The following DBR1 variants were observed in gnomAD, a reference collection of about 807,000 sequenced individuals.
DBR1 encodes the protein debranching RNA lariats 1, also known as lariat debranching enzyme.
Under a neutral mutation model 45.9 loss-of-function variants are expected in DBR1, and 33 were observed. The ratio of observed to expected loss-of-function variants is 0.72; its 90% CI spans 0.55 to 0.96. The LOEUF is 0.96. Among genes scored for constraint, DBR1 ranks in the 40% least tolerant of loss-of-function variants. DBR1 has a pLI of 0.00. For missense variants in DBR1, 619 were observed against 667.4 expected (o/e 0.93, Z 0.80); for synonymous variants, 235 against 235.9 (o/e 1.00, Z 0.04).
intron 3 of DBR1, 77 bp from the exon 4 acceptor site, chr3:138,170,269 C>T: frequency 1.1e-6 from 1 of 883,554 alleles, no homozygotes. Context: ...ACACAGGTCT[C>T]CAAAATATCA....
intron 4 of DBR1, among the ~76,000 whole-genome samples, chr3:138,168,387 G>T (rs1309196541): frequency 6.6e-6 from 1 of 151,748 alleles, no homozygotes; most frequent in Non-Finnish European, 1.5e-5. Context: ...GGGCGTGGTG[G>T]TGGGCGCCTG....
At chr3:138,164,995 T>C (rs1449186957) in intron 5 of DBR1, among the ~76,000 whole-genome samples, 2 of 152,186 alleles carry the variant, frequency 1.3e-5, no homozygotes, top group East Asian at 3.8e-4. Context: ...GGTTTTTTTT[T>C]TTCAAAAGTG....
chr3:138,163,768 C>T lies in DBR1; in HGVS notation c.795+10G>A, dbSNP rs763276806. On this transcript the variant is annotated intron_variant, in intron 6 of 7. Transcript: ENST00000260803. ...ACAACTATATTATAAAGCCACTTCA[C>T]TCTTCTTACCTGAAGAAAATCTCTA... 1.3e-6 allele frequency: 2 copies of T among 1,597,854 alleles called. No individual in the cohort carries two copies. Among genetic ancestry groups the T allele is most frequent in the Non-Finnish European group, 1.7e-6 (2 of 1,168,952 alleles).
At chr3:138,174,045 A>G (rs1000442683) in intron 1 of DBR1, among the ~76,000 whole-genome samples, 1 of 140,432 alleles carries the variant, frequency 7.1e-6, no homozygotes, top group Non-Finnish European at 1.6e-5. Flanking sequence ...AAAAAAAAAA[A>G]GGAATTGCCC....
intron 4 of DBR1, among the ~76,000 whole-genome samples, chr3:138,169,170 T>C (rs1001668605): frequency 1.4e-4 from 22 of 152,228 alleles, no homozygotes; most frequent in Admixed American, 1.3e-3. Flanking sequence ...AGGCAGGCTC[T>C]ACCACTAAAC....
rs2042917225 is a variant in DBR1, at chr3:138,163,496, T to C, written c.796-2A>G. On this transcript the variant is annotated splice_acceptor_variant, in intron 6 of 7. Transcript: ENST00000260803. LOFTEE classifies it high-confidence loss of function. ...GGGGTCATGTTCTATCTCTAATATC[T>C]ACAGGATGAAATCAATGTTAAGAAA... 5 of 1,564,786 alleles carry C rather than the reference T, an allele frequency of 3.2e-6. No homozygotes were observed. The highest frequency in any genetic ancestry group is 1.2e-5 in the South Asian group (1 of 84,008).
In DBR1 at chr3:138,174,685, G is replaced by C; in HGVS notation, c.111C>G (p.Cys37Trp). ...GPGPVDLLLC[C>W]GDFQAVRNEA... Reference sequence around the variant, plus strand: ...CGTTGCGCACCGCCTGGAAGTCGCCGCAGCACAGCAAGAGGTCGACAGGCC... The same window carrying C: ...CGTTGCGCACCGCCTGGAAGTCGCCCCAGCACAGCAAGAGGTCGACAGGCC... The change falls in exon 1 of 8, where the codon TGC (cysteine) becomes TGG (tryptophan). Residue 37 changes from cysteine to tryptophan, a missense_variant. Cys to Trp is a radical substitution (Grantham distance 215). Coordinates refer to ENST00000260803, the MANE Select transcript of DBR1 (RefSeq NM_016216.4). 1 of 1,612,672 alleles carries C rather than the reference G, an allele frequency of 6.2e-7. No homozygotes were observed.
intron 5 of DBR1, 151 bp downstream of exon 5, chr3:138,166,930 T>G: frequency 1.3e-6 from 1 of 751,256 alleles, no homozygotes; most frequent in Non-Finnish European, 2.2e-6. Context: ...TATACTGTTT[T>G]GTAATTGCTT....
rs2042906706 is a variant in DBR1 at position 138,161,478 on chromosome 3, TAAGTC to T, written c.*406_*410del. On this transcript the variant is annotated 3_prime_UTR_variant, in exon 8 of 8. Coordinates refer to ENST00000260803, the MANE Select transcript of DBR1 (RefSeq NM_016216.4). Reference sequence around the variant, plus strand: ...TAATGTATCTTCATTATTATAAAGTTAAGTCTTTAGTCAAAAATTCAGCTCTAAAA... The same window carrying T: ...TAATGTATCTTCATTATTATAAAGTTTTTAGTCAAAAATTCAGCTCTAAAA... 1 of 159,996 alleles carries T rather than the reference TAAGTC, an allele frequency of 6.3e-6. No homozygotes were observed. The highest frequency in any genetic ancestry group is 1.4e-5 in the Non-Finnish European group (1 of 72,018). The allele number at this position is 159,996 out of a possible 1,614,324, so 9.9% of individuals were successfully genotyped here.
At position 138,161,961 on chromosome 3, in the gene DBR1, T is replaced by C; in HGVS notation, c.1563A>G (p.Gln521=). The C allele has an allele frequency of 1.2e-6, 2 of 1,614,212 alleles. No individual in the cohort carries two copies. The highest frequency in any genetic ancestry group is 2.7e-5 in the African/African-American group (2 of 75,062). The change falls in exon 8 of 8, where the codon CAA becomes CAG. Residue 521 remains glutamine (Q), a synonymous_variant. Transcript: ENST00000260803. ...KRLSDEHEPE[Q]RKKIKRRNQA... ...GATTCCTCCTCTTAATTTTCTTTCTTTGTTCAGGTTCATGTTCATCACTCA... is the reference window on the plus strand; with the variant it reads ...GATTCCTCCTCTTAATTTTCTTTCTCTGTTCAGGTTCATGTTCATCACTCA...
In DBR1 at chr3:138,161,781, G is replaced by C; in HGVS notation, c.*108C>G. ...GAATTGCTTGAACCTGGGAGGCGGAGGTTGCGGTGAGCCGAGATCACGCCA... is the reference window on the plus strand; with the variant it reads ...GAATTGCTTGAACCTGGGAGGCGGACGTTGCGGTGAGCCGAGATCACGCCA... On this transcript the variant is annotated 3_prime_UTR_variant, in exon 8 of 8. Coordinates refer to ENST00000260803, the MANE Select transcript of DBR1 (RefSeq NM_016216.4). 1.2e-6 allele frequency: 1 copy of C among 866,962 alleles called. No homozygotes were observed. Among genetic ancestry groups the C allele is most frequent in the South Asian group, 1.6e-5 (1 of 62,456 alleles). The allele number at this position is 866,962 out of a possible 1,614,324, so 53.7% of individuals were successfully genotyped here.
At chr3:138,165,609 G>T (rs906587722) in intron 5 of DBR1, among the ~76,000 whole-genome samples, 2 of 152,054 alleles carry the variant, frequency 1.3e-5, no homozygotes, top group Non-Finnish European at 2.9e-5. Flanking sequence ...GGCGCCTGTA[G>T]TCCCAGCTAC....
intron 1 of DBR1, 121 bp from the exon 2 acceptor site, chr3:138,173,747 T>C: frequency 1.7e-6 from 2 of 1,181,024 alleles, no homozygotes; most frequent in South Asian, 3.1e-5. Context: ...TCAAAAGGAA[T>C]TGCCTGGGGC....
In DBR1 at chr3:138,161,832, G is replaced by C; in HGVS notation, c.*57C>G. 2 of 1,383,014 alleles carry C rather than the reference G, an allele frequency of 1.4e-6. No homozygotes were observed. The highest frequency in any genetic ancestry group is 1.0e-6 in the Non-Finnish European group (1 of 980,920). 85.7% of individuals were successfully genotyped at this position (1,383,014 alleles called of 1,614,324 possible). A position where few individuals can be genotyped will look rare whatever the true frequency, so the allele number is the denominator to read the frequency against. ...TTGCACTCCAGTCTAGGTGACAAGA[G>C]TGAAACTCCATCTCAAAAAAACAAA... is the stretch of plus-strand genomic sequence containing the variant. On this transcript the variant is annotated 3_prime_UTR_variant, in exon 8 of 8. Transcript: ENST00000260803.
At position 138,174,831 on chromosome 3, in the gene DBR1, G is replaced by A; in HGVS notation, c.-36C>T. 6.3e-7 allele frequency: 1 copy of A among 1,590,640 alleles called. No homozygotes were observed. The highest frequency in any genetic ancestry group is 8.6e-7 in the Non-Finnish European group (1 of 1,168,578). ...TGAGGAGGTGAGCGCTGCCTGCAAC[G>A]CCCTACACCACAGCCAGCCCAGGAC... On this transcript the variant is annotated 5_prime_UTR_variant, in exon 1 of 8. Coordinates refer to ENST00000260803, the MANE Select transcript of DBR1 (RefSeq NM_016216.4).
In DBR1 at chr3:138,163,447, A is replaced by G; in HGVS notation, c.843T>C (p.Tyr281=). Reference sequence around the variant, plus strand: ...TGAGAATAGTGAGCCATTCAATATCATATTCCAAGTAATCAGGAGCACTGG... The same window carrying G: ...TGAGAATAGTGAGCCATTCAATATCGTATTCCAAGTAATCAGGAGCACTGG... The part of the protein sequence containing the change: ...HDPSAPDYLE[Y]DIEWLTILRA... Residue 281 remains tyrosine (Y), a synonymous_variant, in exon 7 of 8, where the codon TAT becomes TAC. Coordinates refer to ENST00000260803, the MANE Select transcript of DBR1 (RefSeq NM_016216.4). The G allele has an allele frequency of 1.2e-6, 2 of 1,612,000 alleles. No individual in the cohort carries two copies. The highest frequency in any genetic ancestry group is 1.7e-6 in the Non-Finnish European group (2 of 1,178,174).
intron 4 of DBR1, among the ~76,000 whole-genome samples, chr3:138,168,751 G>C (rs765010102): frequency 8.6e-5 from 13 of 152,046 alleles, no homozygotes; most frequent in African/African-American, 3.1e-4. Context: ...GAGTTCAAGA[G>C]TTTGAGACCA....
rs1458179290 is a variant in DBR1, at chr3:138,161,894, C to G, written c.1630G>C (p.Ala544Pro). The G allele has an allele frequency of 1.1e-5, 18 of 1,608,552 alleles. No individual in the cohort carries two copies. Among genetic ancestry groups the G allele is most frequent in the Non-Finnish European group, 1.4e-5 (17 of 1,175,072 alleles). The change falls in exon 8 of 8, where the codon GCT becomes CCT. Residue 544 changes from alanine to proline, a missense_variant. Ala to Pro is a conservative substitution (Grantham distance 27, BLOSUM62 -1). Around this residue, in one of 3 missense-constraint regions of DBR1, gnomAD observed 182 missense variants for 196.1 expected, o/e 0.93. Coordinates refer to ENST00000260803, the MANE Select transcript of DBR1 (RefSeq NM_016216.4). ...AACAAAACAAGTAAATCATCTTAAG[C>G]TGCATCGTCATCATCATCATCCACT... ...AAVDDDDDDA[A>P]
In DBR1 at chr3:138,163,329, C is replaced by T. The variant is rs776819029; in HGVS notation, c.941+20G>A. ...ATGCATGCAATGGAAAAAGCAGGTC[C>T]TAAATAAAGTCTGACTTACCTTGCA... On this transcript the variant is annotated intron_variant, in intron 7 of 7. Transcript: ENST00000260803. 3 of 1,606,066 alleles carry T rather than the reference C, an allele frequency of 1.9e-6. No homozygotes were observed. Among genetic ancestry groups the T allele is most frequent in the African/African-American group, 1.3e-5 (1 of 74,620 alleles).
Sources: gnomAD v4.1 joint callset for allele counts (sites outside exome capture counted in the v4.1 genomes callset) on GRCh38, gnomAD v4.1.1 for gene constraint, gnomAD v4.1.1 regional missense constraint, MANE v1.5 for transcripts, NCBI Gene and HGNC (gene_info 2026-07-23, HGNC 2026-07-21) for gene names.